Variants in ST8SIA2 observed in about 807,000 individuals in gnomAD.
The protein encoded by ST8SIA2 is ST8 alpha-N-acetyl-neuraminide alpha-2,8-sialyltransferase 2, also known as alpha-2,8-sialyltransferase 8B.
ST8SIA2 carries 22 observed loss-of-function variants against 37.6 expected under a neutral mutation model. The observed-to-expected ratio is 0.58, with a 90% CI of 0.42 to 0.83. ST8SIA2 has a LOEUF of 0.83. ST8SIA2 is among the 40% of genes least tolerant of loss of function. The pLI, the probability that ST8SIA2 is intolerant of heterozygous loss-of-function variation, is 0.00. For missense variants in ST8SIA2, 382 were observed against 484.7 expected, an observed-to-expected ratio of 0.79 and a Z score of 1.99; for synonymous variants, 205 against 201.2, an observed-to-expected ratio of 1.02 and a Z score of -0.16.
chr15:92,457,923 C>T lies in ST8SIA2; in HGVS notation c.843-6177C>T, dbSNP rs139645148. On this transcript the variant is annotated intron_variant, in intron 5 of 5. Coordinates refer to ENST00000268164, the MANE Select transcript of ST8SIA2 (RefSeq NM_006011.4). ...TAGCAATTCTGGGTGAAAAGCCTGG[C>T]CCCAGATCTGAGAGGTTGGGCATTT... Among the ~76,000 whole-genome samples, 4 of 152,306 alleles carry T rather than the reference C, an allele frequency of 2.6e-5. No homozygotes were observed. The East Asian group carries it at 5.8e-4, about 22-fold the overall frequency.
At chr15:92,434,399 A>T (rs769223145) in intron 3 of ST8SIA2, 24 bp downstream of exon 3, 1 of 1,614,112 alleles carries the variant, frequency 6.2e-7, no homozygotes, top group Non-Finnish European at 8.5e-7. Flanking sequence ...CCTACAGGAC[A>T]AGAGGTAGAC....
At chr15:92,415,614 A>C (rs1051590310) in intron 1 of ST8SIA2, among the ~76,000 whole-genome samples, 1 of 151,462 alleles carries the variant, frequency 6.6e-6, no homozygotes, top group Non-Finnish European at 1.5e-5. Context: ...CAACTCCAGC[A>C]ATGACTATGG....
rs2049988899 is a variant in ST8SIA2, at chr15:92,465,901, A to G, written c.*1516A>G. On this transcript the variant is annotated 3_prime_UTR_variant, in exon 6 of 6. Transcript: ENST00000268164. ...GAGAAATAGCCAGCTTGAATTTGTT[A>G]GTCGTATTCCTTCACCTGATGAATA... 1 of 152,188 alleles carries G rather than the reference A, an allele frequency of 6.6e-6. No individual in the cohort carries two copies. The highest frequency in any genetic ancestry group is 1.5e-5 in the Non-Finnish European group (1 of 68,024). The allele number at this position is 152,188 out of a possible 1,614,324, so 9.4% of individuals were successfully genotyped here. A position where few individuals can be genotyped will look rare whatever the true frequency, so the allele number is the denominator to read the frequency against.
At chr15:92,429,952 T>C in intron 1 of ST8SIA2, 97 bp from the exon 2 acceptor site, 2 of 1,319,170 alleles carry the variant, frequency 1.5e-6, no homozygotes, top group South Asian at 1.2e-5. Context: ...CCACCCTCTG[T>C]AGTTTTCCAG....
intron 1 of ST8SIA2, among the ~76,000 whole-genome samples, chr15:92,409,403 G>A (rs7176813): frequency 0.29 from 44,099 of 152,112 alleles, 8,524 homozygotes; most frequent in East Asian, 0.55. Context: ...TGGGATTTGT[G>A]GTCTTCATCA....
intron 1 of ST8SIA2, among the ~76,000 whole-genome samples, chr15:92,415,820 T>G (rs959181573): frequency 2.0e-5 from 3 of 151,724 alleles, no homozygotes; most frequent in African/African-American, 7.3e-5. Flanking sequence ...AAATGAAAAA[T>G]AGAACAAGGG....
intron 2 of ST8SIA2, among the ~76,000 whole-genome samples, chr15:92,433,998 G>T (rs1199286934): frequency 6.6e-6 from 1 of 152,050 alleles, no homozygotes; most frequent in Non-Finnish European, 1.5e-5. Context: ...ATCACTAGGG[G>T]CAGGGGAAGA....
At chr15:92,449,565 T>C (rs1382810136) in intron 5 of ST8SIA2, among the ~76,000 whole-genome samples, 1 of 152,252 alleles carries the variant, frequency 6.6e-6, no homozygotes, top group Non-Finnish European at 1.5e-5. Flanking sequence ...TCTACTTTCC[T>C]TGCAAAATCT....
chr15:92,447,704 G>T (rs2049852069), intron 5 of ST8SIA2, among the ~76,000 whole-genome samples: 1 of 152,172 alleles, frequency 6.6e-6, no homozygotes. Flanking sequence ...AAAACCCATT[G>T]CCCCCAAGAA....
At chr15:92,462,968 A>G (rs1167477254) in intron 5 of ST8SIA2, among the ~76,000 whole-genome samples, 1 of 152,172 alleles carries the variant, frequency 6.6e-6, no homozygotes, top group East Asian at 1.9e-4. Context: ...AAAGTTCTAG[A>G]TTTTCTTGGA....
At chr15:92,402,141 A>G (rs1293801616) in intron 1 of ST8SIA2, among the ~76,000 whole-genome samples, 2 of 152,120 alleles carry the variant, frequency 1.3e-5, no homozygotes, top group African/African-American at 4.8e-5. Flanking sequence ...TGGAAATACT[A>G]TGGGTCCTTG....
rs924521917 is a variant in ST8SIA2, at chr15:92,465,241, T to G, written c.*856T>G. The G allele has an allele frequency of 6.6e-6, 1 of 152,246 alleles. No individual in the cohort carries two copies. Among genetic ancestry groups the G allele is most frequent in the Non-Finnish European group, 1.5e-5 (1 of 68,042 alleles). 9.4% of individuals were successfully genotyped at this position (152,246 alleles called of 1,614,324 possible). On this transcript the variant is annotated 3_prime_UTR_variant, in exon 6 of 6. Transcript: ENST00000268164. ...AAAATCTAGCTGCTTTGGGTGTTTT[T>G]TAAAGCAATGTGAGTCCACTGAGGA...
At chr15:92,456,079 C>G in intron 5 of ST8SIA2, among the ~76,000 whole-genome samples, 1 of 152,250 alleles carries the variant, frequency 6.6e-6, no homozygotes, top group Admixed American at 6.5e-5. Flanking sequence ...GGCTTAAGCC[C>G]CCAAGAAATG....
Position 92,467,438 on chromosome 15 carries a change from C to T in ST8SIA2, c.*3053C>T. 1 of 153,600 alleles carries T rather than the reference C, an allele frequency of 6.5e-6. No homozygotes were observed. The highest frequency in any genetic ancestry group is 1.5e-5 in the Non-Finnish European group (1 of 68,502). The allele number at this position is 153,600 out of a possible 1,614,324, so 9.5% of individuals were successfully genotyped here. The stretch of plus-strand genomic sequence containing the variant: ...CCTCGGCTTCCCCCCAGCCTGGCAG[C>T]AGCGTCCCAGCGCCTCCACATTGCC... On this transcript the variant is annotated 3_prime_UTR_variant, in exon 6 of 6. Coordinates refer to ENST00000268164, the MANE Select transcript of ST8SIA2 (RefSeq NM_006011.4).
At chr15:92,397,133 G>A (rs2049437798) in intron 1 of ST8SIA2, among the ~76,000 whole-genome samples, 1 of 152,214 alleles carries the variant, frequency 6.6e-6, no homozygotes, top group Admixed American at 6.5e-5. Context: ...TGGAAGGAAG[G>A]AAAGATAGAA....
At chr15:92,443,329 C>G (rs1463843623) in intron 4 of ST8SIA2, among the ~76,000 whole-genome samples, 1 of 152,182 alleles carries the variant, frequency 6.6e-6, no homozygotes, top group African/African-American at 2.4e-5. Flanking sequence ...CCATCCCAGT[C>G]CTAGGCACAG....
intron 5 of ST8SIA2, among the ~76,000 whole-genome samples, chr15:92,462,471 G>C (rs77618696): frequency 6.6e-6 from 1 of 152,014 alleles, no homozygotes; most frequent in East Asian, 1.9e-4. Flanking sequence ...GAAGTATTTG[G>C]GCTTCTAGAA....
At chr15:92,402,656 G>A (rs1366597779) in intron 1 of ST8SIA2, among the ~76,000 whole-genome samples, 3 of 152,142 alleles carry the variant, frequency 2.0e-5, no homozygotes, top group African/African-American at 7.2e-5. Context: ...AGGCCATAAT[G>A]GGACATGGCA....
intron 4 of ST8SIA2, among the ~76,000 whole-genome samples, chr15:92,439,551 G>A (rs1160191481): frequency 3.3e-5 from 5 of 152,270 alleles, no homozygotes; most frequent in Middle Eastern, 3.4e-3. Context: ...GGACCAACTC[G>A]AGGCAAAGAC....
Sources: gnomAD v4.1 joint callset for allele counts (sites outside exome capture counted in the v4.1 genomes callset) on GRCh38, gnomAD v4.1.1 for gene constraint, MANE v1.5 for transcripts, NCBI Gene and HGNC (gene_info 2026-07-23, HGNC 2026-07-21) for gene names.